Variants in GALNT2 observed in about 807,000 individuals in gnomAD.
The protein encoded by GALNT2 is polypeptide N-acetylgalactosaminyltransferase 2, also known as UDP-GalNAc:polypeptide N-acetylgalactosaminyltransferase 2.
A neutral mutation model predicts 81.4 loss-of-function variants in GALNT2; 31 were observed. The observed-to-expected ratio is 0.38, with a 90% CI of 0.29 to 0.51. The LOEUF (loss-of-function observed/expected upper bound fraction) is 0.51, where lower values mean the gene tolerates loss of function less well. GALNT2 is among the 20% of genes least tolerant of loss of function. The pLI is 0.87. For missense variants in GALNT2, 629 were observed against 765.7 expected (o/e 0.82, Z 2.11); for synonymous variants, 303 against 287.4 (o/e 1.05, Z -0.55).
At position 230,231,421 on chromosome 1, in the gene GALNT2, C is replaced by T. The variant is rs114969283; in HGVS notation, c.375-4593C>T. 5.5e-3 allele frequency among the ~76,000 whole-genome samples: 840 copies of T among 152,252 alleles called. 7 individuals carry two copies. The highest frequency in any genetic ancestry group is 0.019 in the African/African-American group (801 of 41,530). On this transcript the variant is annotated intron_variant, in intron 3 of 15. Transcript: ENST00000366672. ...TGGGGTGAGGGTGGGGCATGGCCTG[C>T]CCAGGGTAGAGAAGGAAACCTATTT... is the stretch of plus-strand genomic sequence containing the variant.
At chr1:230,178,170 G>T (rs1251125569) in intron 1 of GALNT2, 48 bp from the exon 2 acceptor site, 7 of 1,423,744 alleles carry the variant, frequency 4.9e-6, no homozygotes, top group Non-Finnish European at 6.9e-6. Flanking sequence ...ATGAATGAAG[G>T]TGTGCTTGAA....
intron 8 of GALNT2, among the ~76,000 whole-genome samples, chr1:230,248,655 C>T (rs1295536444): frequency 6.6e-6 from 1 of 152,134 alleles, no homozygotes; most frequent in African/African-American, 2.4e-5. Flanking sequence ...GCTCATTTTC[C>T]CTTAAAGTTT....
At chr1:230,186,558 A>G (rs1205532474) in intron 2 of GALNT2, among the ~76,000 whole-genome samples, 1 of 152,236 alleles carries the variant, frequency 6.6e-6, no homozygotes, top group Non-Finnish European at 1.5e-5. Context: ...GAGACTTCCT[A>G]TGGATTATCT....
chr1:230,279,643 A>AGAACT lies in GALNT2; in HGVS notation c.*187_*191dup. 1 of 716,674 alleles carries AGAACT rather than the reference A, an allele frequency of 1.4e-6. No individual in the cohort carries two copies. The allele number at this position is 716,674 out of a possible 1,614,324, so 44.4% of individuals were successfully genotyped here. On this transcript the variant is annotated 3_prime_UTR_variant, in exon 16 of 16. Transcript: ENST00000366672. This position sits in a 1 kb window ranked among gnomAD's most constrained non-coding sequence, Gnocchi z 4.6. The stretch of plus-strand genomic sequence containing the variant: ...GCAGACACAGCAGCGGCAAGAAGCG[A>AGAACT]GAACTGCCCTCCCCCTCCTCTCGGT...
At chr1:230,110,877 ACTGACAGACCATGGGAGTT>A (rs1397204695) in intron 1 of GALNT2, among the ~76,000 whole-genome samples, 1 of 152,088 alleles carries the variant, frequency 6.6e-6, no homozygotes, top group Admixed American at 6.5e-5. Flanking sequence ...TGGGTGGGTT[ACTGACAGACCATGGGAGTT>A]CTGGGGAAAA....
intron 1 of GALNT2, among the ~76,000 whole-genome samples, chr1:230,059,253 T>G (rs1413752766): frequency 6.6e-6 from 1 of 152,196 alleles, no homozygotes; most frequent in Non-Finnish European, 1.5e-5. Flanking sequence ...GAAGCTGTAT[T>G]TATGTGCTGC....
intron 2 of GALNT2, among the ~76,000 whole-genome samples, chr1:230,198,495 C>A (rs1349589435): frequency 1.3e-5 from 2 of 149,180 alleles, no homozygotes; most frequent in African/African-American, 5.0e-5. Flanking sequence ...CAGGAGCGTA[C>A]GAGGAGTGGC....
At chr1:230,184,834 T>G (rs764756995) in intron 2 of GALNT2, among the ~76,000 whole-genome samples, 1 of 152,154 alleles carries the variant, frequency 6.6e-6, no homozygotes, top group Non-Finnish European at 1.5e-5. Context: ...CCTGTTCCTT[T>G]CTCTCTTTCT....
intron 11 of GALNT2, chr1:230,259,224 C>T (rs1665805487): frequency 6.6e-6 from 1 of 152,128 alleles, no homozygotes; most frequent in Non-Finnish European, 1.5e-5. Context: ...GGATTTTTGA[C>T]TTTTTCAGGA....
chr1:230,225,947 A>G (rs971243836), intron 3 of GALNT2, among the ~76,000 whole-genome samples: 3 of 152,228 alleles, frequency 2.0e-5, no homozygotes, highest in Non-Finnish European at 2.9e-5. Context: ...GTCAGGGCCT[A>G]GGCATGTTCA....
intron 2 of GALNT2, among the ~76,000 whole-genome samples, chr1:230,194,294 A>T (rs1025850706): frequency 1.3e-5 from 2 of 152,172 alleles, no homozygotes; most frequent in African/African-American, 4.8e-5. Context: ...GGTAGTGGCT[A>T]GTCAGGACAG....
intron 4 of GALNT2, 65 bp downstream of exon 4, chr1:230,236,177 C>A: frequency 6.6e-7 from 1 of 1,521,294 alleles, no homozygotes; most frequent in South Asian, 1.1e-5. Flanking sequence ...CAGGCACAGT[C>A]AGACCAGGGC....
rs1346726776 is a variant in GALNT2 at position 230,275,277 on chromosome 1, GTATA to G, written c.1560+718_1560+721del. Among the ~76,000 whole-genome samples, 1 of 148,058 alleles carries G rather than the reference GTATA, an allele frequency of 6.8e-6. No homozygotes were observed. Among genetic ancestry groups the G allele is most frequent in the Non-Finnish European group, 1.5e-5 (1 of 67,210 alleles). On this transcript the variant is annotated intron_variant, in intron 15 of 15. Transcript: ENST00000366672. This position sits in a 1 kb window ranked among gnomAD's most constrained non-coding sequence, Gnocchi z 5.5. ...ACATATATACACACCACATGTATACGTATATATAGATGCCACATTTATACATATA... is the reference window on the plus strand; with the variant it reads ...ACATATATACACACCACATGTATACGTATAGATGCCACATTTATACATATA...
chr1:230,133,186 A>C (rs1223970005), intron 1 of GALNT2, among the ~76,000 whole-genome samples: 1 of 152,202 alleles, frequency 6.6e-6, no homozygotes. Context: ...ACTTATGATG[A>C]ACCTTTTTAT....
intron 8 of GALNT2, among the ~76,000 whole-genome samples, chr1:230,247,932 T>C (rs1418183965): frequency 6.6e-6 from 1 of 152,214 alleles, no homozygotes; most frequent in Non-Finnish European, 1.5e-5. Context: ...CCTTCTCTGT[T>C]AGTGAAACAG....
intron 1 of GALNT2, among the ~76,000 whole-genome samples, chr1:230,104,802 G>T (rs1241434717): frequency 1.3e-5 from 2 of 152,228 alleles, no homozygotes; most frequent in Non-Finnish European, 2.9e-5. Flanking sequence ...GTCATTACTG[G>T]TCTTTGCAGG....
intron 10 of GALNT2, among the ~76,000 whole-genome samples, chr1:230,254,421 G>A (rs867786951): frequency 2.0e-5 from 3 of 152,138 alleles, no homozygotes; most frequent in Non-Finnish European, 4.4e-5. Context: ...TCCTACCTGG[G>A]CCAGCTGGTT....
chr1:230,075,367 C>T (rs1659510571), intron 1 of GALNT2, among the ~76,000 whole-genome samples: 1 of 152,022 alleles, frequency 6.6e-6, no homozygotes. Context: ...GTGATCCACC[C>T]ACCTCGGCCT....
intron 1 of GALNT2, among the ~76,000 whole-genome samples, chr1:230,162,247 G>A (rs1328058237): frequency 1.3e-5 from 2 of 152,116 alleles, no homozygotes; most frequent in African/African-American, 4.8e-5. Flanking sequence ...AACACATGCC[G>A]GGTTCTTCAG....
Sources: gnomAD v4.1 joint callset for allele counts (sites outside exome capture counted in the v4.1 genomes callset) on GRCh38, gnomAD v4.1.1 for gene constraint, Gnocchi (gnomAD v3.1) non-coding constraint, MANE v1.5 for transcripts, NCBI Gene and HGNC (gene_info 2026-07-23, HGNC 2026-07-21) for gene names.